The following SMIM31 variants were observed in gnomAD, a reference collection of about 807,000 sequenced individuals.
The protein encoded by SMIM31 is small integral membrane protein 31, also known as human epithelial cell program regulator.
chr4:164,791,627 T>C (rs982029606), intron 2 of SMIM31, among the ~76,000 whole-genome samples: 2 of 152,220 alleles, frequency 1.3e-5, no homozygotes, highest in African/African-American at 4.8e-5. Flanking sequence ...AAAGTAGTTA[T>C]AATGTCTACA....
Position 164,803,033 on chromosome 4 carries a change from T to A in SMIM31, c.*1839T>A, listed in dbSNP as rs1733307185. 6.6e-6 allele frequency: 1 copy of A among 152,208 alleles called. No individual in the cohort carries two copies. Among genetic ancestry groups the A allele is most frequent in the Non-Finnish European group, 1.5e-5 (1 of 68,054 alleles). The allele number at this position is 152,208 out of a possible 1,614,324, so 9.4% of individuals were successfully genotyped here. On this transcript the variant is annotated 3_prime_UTR_variant, in exon 3 of 3. Transcript: ENST00000507311. ...AATCTTTGCTGGGCTGACAAATGGATGAGAGATAGTATAAGTAAAATGTGT... is the reference window on the plus strand; with the variant it reads ...AATCTTTGCTGGGCTGACAAATGGAAGAGAGATAGTATAAGTAAAATGTGT...
At chr4:164,776,138 A>T (rs1732877503) in intron 2 of SMIM31, among the ~76,000 whole-genome samples, 1 of 152,118 alleles carries the variant, frequency 6.6e-6, no homozygotes, top group Non-Finnish European at 1.5e-5. Context: ...CCTCTACTTG[A>T]ATCTTACTTA....
At chr4:164,767,708 C>T (rs1732737660) in intron 1 of SMIM31, among the ~76,000 whole-genome samples, 1 of 152,214 alleles carries the variant, frequency 6.6e-6, no homozygotes, top group Non-Finnish European at 1.5e-5. Context: ...CAGAAATCAC[C>T]TCTTCTTGAA....
In SMIM31 at chr4:164,767,181, G is replaced by C. The variant is rs577652603; in HGVS notation, c.-25-3238G>C. ...AGTGGATCTGATTTACATTTATAAA[G>C]ATCATTCCCTTCGTGATGCTAAAGG... On this transcript the variant is annotated intron_variant, in intron 1 of 2. Coordinates refer to ENST00000507311, the MANE Select transcript of SMIM31 (RefSeq NM_001352885.1). 1.4e-4 allele frequency among the ~76,000 whole-genome samples: 22 copies of C among 152,266 alleles called. 2 individuals carry two copies. In the South Asian group the frequency reaches 4.1e-3, roughly 29 times the overall value.
At chr4:164,769,028 C>A (rs2110930266) in intron 1 of SMIM31, among the ~76,000 whole-genome samples, 1 of 152,278 alleles carries the variant, frequency 6.6e-6, no homozygotes, top group East Asian at 1.9e-4. Flanking sequence ...CTCTTTCTCC[C>A]TGAACTTCAT....
intron 2 of SMIM31, among the ~76,000 whole-genome samples, chr4:164,779,531 A>C (rs1732920275): frequency 1.8e-5 from 1 of 55,310 alleles, no homozygotes; most frequent in South Asian, 1.2e-3. Flanking sequence ...GTCATGGAAA[A>C]GTCAGCAATT....
chr4:164,756,571 CAAA>C (rs571152447), intron 1 of SMIM31, among the ~76,000 whole-genome samples: 1,593 of 130,590 alleles, frequency 0.012, 27 homozygotes, highest in African/African-American at 0.045. Flanking sequence ...GACTCTGTCT[CAAA>C]AAAAAAATAA....
chr4:164,791,055 T>G (rs1733093968), intron 2 of SMIM31, among the ~76,000 whole-genome samples: 1 of 152,180 alleles, frequency 6.6e-6, no homozygotes, highest in South Asian at 2.1e-4. Flanking sequence ...GTTATGTGTA[T>G]AAGGAAAAAT....
At chr4:164,768,768 C>T (rs1732755253) in intron 1 of SMIM31, among the ~76,000 whole-genome samples, 1 of 152,126 alleles carries the variant, frequency 6.6e-6, no homozygotes, top group South Asian at 2.1e-4. Flanking sequence ...AAGAAAGAGT[C>T]CTCACAGAAA....
At chr4:164,787,169 G>C (rs534631949) in intron 2 of SMIM31, 1 of 152,062 alleles carries the variant, frequency 6.6e-6, no homozygotes, top group African/African-American at 2.4e-5. Context: ...CTTAACAATG[G>C]GATATTGGCA....
At chr4:164,781,892 G>C (rs534812249) in intron 2 of SMIM31, among the ~76,000 whole-genome samples, 4 of 152,340 alleles carry the variant, frequency 2.6e-5, no homozygotes, top group Non-Finnish European at 5.9e-5. Flanking sequence ...CTACAAAGGA[G>C]TAGCACGGGG....
chr4:164,776,515 C>T (rs948219448), intron 2 of SMIM31, among the ~76,000 whole-genome samples: 6 of 152,134 alleles, frequency 3.9e-5, no homozygotes, highest in African/African-American at 1.4e-4. Context: ...ATGGTAATTC[C>T]TATTCACATA....
At chr4:164,759,923 T>C (rs1013075094) in intron 1 of SMIM31, among the ~76,000 whole-genome samples, 8 of 152,140 alleles carry the variant, frequency 5.3e-5, no homozygotes, top group African/African-American at 1.9e-4. Flanking sequence ...CAACTTTTAA[T>C]ATGAGGGTGA....
chr4:164,756,677 T>C (rs1732566422), intron 1 of SMIM31, among the ~76,000 whole-genome samples: 2 of 152,034 alleles, frequency 1.3e-5, no homozygotes, highest in Non-Finnish European at 2.9e-5. Flanking sequence ...GTTCTACCCC[T>C]GCCTCCAGAT....
intron 2 of SMIM31, among the ~76,000 whole-genome samples, chr4:164,792,557 G>T (rs1733116377): frequency 1.3e-5 from 2 of 152,198 alleles, no homozygotes; most frequent in Admixed American, 1.3e-4. Context: ...AAATTTTATA[G>T]CATTTCAAAG....
At chr4:164,799,884 G>T (rs984009746) in intron 2 of SMIM31, among the ~76,000 whole-genome samples, 1 of 152,216 alleles carries the variant, frequency 6.6e-6, no homozygotes, top group Non-Finnish European at 1.5e-5. Context: ...GATAAGTGGT[G>T]CTAATTGACA....
In SMIM31 at chr4:164,803,214, T is replaced by C. The variant is rs1409027517; in HGVS notation, c.*2020T>C. On this transcript the variant is annotated 3_prime_UTR_variant, in exon 3 of 3. Coordinates refer to ENST00000507311, the MANE Select transcript of SMIM31 (RefSeq NM_001352885.1). Reference sequence around the variant, plus strand: ...AATACTTGGATGAGGCTCCATTCACTCCCTTAGCCCATCTTACATATATTA... The same window carrying C: ...AATACTTGGATGAGGCTCCATTCACCCCCTTAGCCCATCTTACATATATTA... 1 of 152,184 alleles carries C rather than the reference T, an allele frequency of 6.6e-6. No individual in the cohort carries two copies. The highest frequency in any genetic ancestry group is 2.4e-5 in the African/African-American group (1 of 41,450). The allele number at this position is 152,184 out of a possible 1,614,324, so 9.4% of individuals were successfully genotyped here. A position where few individuals can be genotyped will look rare whatever the true frequency, so the allele number is the denominator to read the frequency against.
intron 2 of SMIM31, among the ~76,000 whole-genome samples, chr4:164,773,641 G>A (rs1006794137): frequency 1.3e-5 from 2 of 152,142 alleles, no homozygotes; most frequent in African/African-American, 2.4e-5. Context: ...CCCACAACAC[G>A]TGGGGATTAT....
chr4:164,773,119 C>A (rs1732834734), intron 2 of SMIM31, among the ~76,000 whole-genome samples: 1 of 143,152 alleles, frequency 7.0e-6, no homozygotes. Flanking sequence ...TAACAAGATA[C>A]AACTTAATTT....
Sources: gnomAD v4.1 joint callset for allele counts (sites outside exome capture counted in the v4.1 genomes callset) on GRCh38, gnomAD v4.1.1 for gene constraint, MANE v1.5 for transcripts, NCBI Gene and HGNC (gene_info 2026-07-23, HGNC 2026-07-21) for gene names.